The following TGFBR1 variants were observed in gnomAD, a reference collection of about 807,000 sequenced individuals.
TGFBR1 encodes the protein transforming growth factor beta receptor 1.
Under a neutral mutation model 55.1 loss-of-function variants are expected in TGFBR1, and 20 were observed. The ratio of observed to expected loss-of-function variants is 0.36; its 90% CI spans 0.26 to 0.53. TGFBR1 has a LOEUF of 0.53. Ranked by LOEUF, TGFBR1 falls within the 20% of genes least tolerant of loss-of-function variation. The pLI, the probability that TGFBR1 is intolerant of heterozygous loss-of-function variation, is 0.91. For synonymous variants in TGFBR1, 220 were observed against 214.8 expected, an observed-to-expected ratio of 1.02 and a Z score of -0.21; for missense variants, 385 against 617.6, an observed-to-expected ratio of 0.62 and a Z score of 3.99.
At chr9:99,116,087 C>T (rs1826726416) in intron 1 of TGFBR1, among the ~76,000 whole-genome samples, 1 of 151,512 alleles carries the variant, frequency 6.6e-6, no homozygotes, top group South Asian at 2.1e-4. Flanking sequence ...GTTTTCTTCC[C>T]TCTTATTTCG....
At chr9:99,148,092 T>A (rs1827859336) in intron 8 of TGFBR1, among the ~76,000 whole-genome samples, 1 of 152,186 alleles carries the variant, frequency 6.6e-6, no homozygotes. Context: ...ACTAGACAGT[T>A]ACCGGACATG....
intron 8 of TGFBR1, 96 bp downstream of exon 8, chr9:99,147,880 AGAATTT>A: frequency 7.0e-7 from 1 of 1,423,460 alleles, no homozygotes; most frequent in Non-Finnish European, 9.8e-7. Flanking sequence ...CTTTTCTTTA[AGAATTT>A]TCTTTTTCAT....
chr9:99,122,942 A>G (rs1043400675), intron 1 of TGFBR1, among the ~76,000 whole-genome samples: 2 of 152,174 alleles, frequency 1.3e-5, no homozygotes, highest in African/African-American at 4.8e-5. Flanking sequence ...AGTACTTAAC[A>G]TGACCTTTGT....
At chr9:99,129,165 G>A in intron 2 of TGFBR1, 65 bp downstream of exon 2, 3 of 1,553,958 alleles carry the variant, frequency 1.9e-6, no homozygotes, top group Non-Finnish European at 2.7e-6. Context: ...TGTGATTTTA[G>A]AACTGGAAGG....
At chr9:99,111,354 C>T (rs1030294282) in intron 1 of TGFBR1, among the ~76,000 whole-genome samples, 1 of 123,538 alleles carries the variant, frequency 8.1e-6, no homozygotes, top group Admixed American at 1.0e-4. Context: ...TTGGGCTGGG[C>T]ACAGTAGCTC....
intron 1 of TGFBR1, among the ~76,000 whole-genome samples, chr9:99,115,380 C>T (rs1826706036): frequency 6.6e-6 from 1 of 152,144 alleles, no homozygotes; most frequent in Admixed American, 6.6e-5. Context: ...CTTCTTCAGG[C>T]ATCCTGTTAC....
At chr9:99,116,442 T>C (rs973180191) in intron 1 of TGFBR1, among the ~76,000 whole-genome samples, 1 of 152,238 alleles carries the variant, frequency 6.6e-6, no homozygotes, top group Non-Finnish European at 1.5e-5. Context: ...CCATCTGATT[T>C]AGCTTAGTCT....
At position 99,132,574 on chromosome 9, in the gene TGFBR1, G is replaced by A. The variant is rs745576967; in HGVS notation, c.409G>A (p.Val137Ile). The A allele has an allele frequency of 7.4e-6, 12 of 1,614,016 alleles. No homozygotes were observed. Among genetic ancestry groups the A allele is most frequent in the Middle Eastern group, 3.3e-4 (2 of 6,080 alleles). ...TGTCATTGCTGGACCAGTGTGCTTC[G>A]TCTGCATCTCACTCATGTTGATGGT... is the stretch of plus-strand genomic sequence containing the variant. ...AAVIAGPVCF[V>I]CISLMLMVYI... is the part of the protein sequence containing the mutation. The change falls in exon 3 of 9, where the codon GTC becomes ATC. Residue 137 changes from valine (V) to isoleucine (I), a missense_variant. Physicochemically the swap from Val to Ile is conservative, Grantham distance 29. This residue lies in a region of TGFBR1 where 146 missense variants were observed against 167.7 expected (regional missense o/e 0.87). Coordinates refer to ENST00000374994, the MANE Select transcript of TGFBR1 (RefSeq NM_004612.4).
chr9:99,152,688 C>A lies in TGFBR1; in HGVS notation c.*3383C>A. On this transcript the variant is annotated 3_prime_UTR_variant, in exon 9 of 9. Transcript: ENST00000374994. Reference sequence around the variant, plus strand: ...TGGAAGAATCGTAAGTCAACTGTTTCTTGACCATGGCAGTGTTCTGGCTCC... The same window carrying A: ...TGGAAGAATCGTAAGTCAACTGTTTATTGACCATGGCAGTGTTCTGGCTCC... 1 of 226,710 alleles carries A rather than the reference C, an allele frequency of 4.4e-6. No homozygotes were observed. The highest frequency in any genetic ancestry group is 8.8e-6 in the Non-Finnish European group (1 of 113,992). 14.0% of individuals were successfully genotyped at this position (226,710 alleles called of 1,614,324 possible).
rs1048189398 is a variant in TGFBR1, at chr9:99,131,217, AAAAAAC to A, written c.344-1290_344-1285del. 1.9e-4 allele frequency among the ~76,000 whole-genome samples: 29 copies of A among 152,192 alleles called. 1 individual carries two copies. On this transcript the variant is annotated intron_variant, in intron 2 of 8. Coordinates refer to ENST00000374994, the MANE Select transcript of TGFBR1 (RefSeq NM_004612.4). Reference sequence around the variant, plus strand: ...TTGGTTACCTGTAAAAGGTGAAAAAAAAAAACAGGTTCAGATTTTCTGCTTAAATAT... The same window carrying A: ...TTGGTTACCTGTAAAAGGTGAAAAAAAGGTTCAGATTTTCTGCTTAAATAT...
upstream of TGFBR1, among the ~76,000 whole-genome samples, chr9:99,104,288 G>C (rs544758927): frequency 1.3e-5 from 2 of 152,312 alleles, no homozygotes; most frequent in African/African-American, 4.8e-5. Context: ...CCTCCTTTGA[G>C]GGGTTGGGGT....
In TGFBR1 at chr9:99,147,083, T is replaced by C. The variant is rs556722470; in HGVS notation, c.1255+474T>C. On this transcript the variant is annotated intron_variant, in intron 7 of 8. Transcript: ENST00000374994. ...TTGTTTTAACTTCTAGCTTTTTAGA[T>C]GGAGTACTTTTAATGTTTACTCAGG... Among the ~76,000 whole-genome samples, 8 of 152,354 alleles carry C rather than the reference T, an allele frequency of 5.3e-5. No homozygotes were observed. In the East Asian group the frequency reaches 1.2e-3, roughly 22 times the overall value.
chr9:99,138,749 G>A (rs1326548861), intron 4 of TGFBR1, among the ~76,000 whole-genome samples: 1 of 152,104 alleles, frequency 6.6e-6, no homozygotes, highest in Non-Finnish European at 1.5e-5. Context: ...ACCTTAGACT[G>A]TGCTGCTGCC....
chr9:99,144,348 T>C (rs1827723475), intron 5 of TGFBR1, among the ~76,000 whole-genome samples: 1 of 152,214 alleles, frequency 6.6e-6, no homozygotes, highest in East Asian at 1.9e-4. Flanking sequence ...ATATACTTAA[T>C]ACTGAGTACA....
rs10988713 is a variant in TGFBR1 at position 99,121,744 on chromosome 9, C to T, written c.98-7111C>T. ...TGTTTGTAATATTTGGAAATACTCT[C>T]ACTGCGAAGAAAAGTATAGTTGTGC... is the stretch of plus-strand genomic sequence containing the variant. On this transcript the variant is annotated intron_variant, in intron 1 of 8. Transcript: ENST00000374994. Among the ~76,000 whole-genome samples the T allele has an allele frequency of 0.041, 6,275 of 152,196 alleles. 709 individuals are homozygous for T. The East Asian group carries it at 0.45, about 11-fold the overall frequency.
chr9:99,145,823 A>G (rs748602610), intron 6 of TGFBR1: 8 of 154,476 alleles, frequency 5.2e-5, no homozygotes, highest in African/African-American at 7.2e-5. Flanking sequence ...GCATTAGTCT[A>G]TTCAAATTGC....
chr9:99,146,666 T>G lies in TGFBR1; in HGVS notation c.1255+57T>G, dbSNP rs1470041822. On this transcript the variant is annotated intron_variant, in intron 7 of 8. Transcript: ENST00000374994. ...TCATGAGCAGAAGTTGTTCAAGAATTGTCTTCTTTTTTTAATTGAATGAAA... is the reference window on the plus strand; with the variant it reads ...TCATGAGCAGAAGTTGTTCAAGAATGGTCTTCTTTTTTTAATTGAATGAAA... 12 of 1,610,680 alleles carry G rather than the reference T, an allele frequency of 7.5e-6. No homozygotes were observed. In the East Asian group the frequency reaches 2.7e-4, roughly 36 times the overall value.
Position 99,149,380 on chromosome 9 carries a change from C to A in TGFBR1, c.*75C>A. ...GTTTTAATTTGGGAGGTCAATTGTT[C>A]TACCTCACTGAGAGGGAACAGAAGG... On this transcript the variant is annotated 3_prime_UTR_variant, in exon 9 of 9. Coordinates refer to ENST00000374994, the MANE Select transcript of TGFBR1 (RefSeq NM_004612.4). 6.3e-7 allele frequency: 1 copy of A among 1,581,902 alleles called. No homozygotes were observed. The highest frequency in any genetic ancestry group is 1.1e-5 in the South Asian group (1 of 90,048).
intron 7 of TGFBR1, 79 bp downstream of exon 7, chr9:99,146,688 G>A (rs2118830221): frequency 6.3e-7 from 1 of 1,594,998 alleles, no homozygotes; most frequent in East Asian, 2.2e-5. Context: ...TTAATTGAAT[G>A]AAATTATGTA....
Sources: gnomAD v4.1 joint callset for allele counts (sites outside exome capture counted in the v4.1 genomes callset) on GRCh38, gnomAD v4.1.1 for gene constraint, gnomAD v4.1.1 regional missense constraint, MANE v1.5 for transcripts, NCBI Gene and HGNC (gene_info 2026-07-23, HGNC 2026-07-21) for gene names.